The following QSOX1 variants were observed in gnomAD, a reference collection of about 807,000 sequenced individuals.
QSOX1 encodes the protein quiescin sulfhydryl oxidase 1.
A neutral mutation model predicts 76.1 loss-of-function variants in QSOX1; 40 were observed. The observed-to-expected ratio is 0.53, with a 90% CI of 0.41 to 0.68. The LOEUF (loss-of-function observed/expected upper bound fraction) is 0.68. Ranked by LOEUF, QSOX1 falls within the 30% of genes least tolerant of loss-of-function variation. The pLI is 0.00. For synonymous variants in QSOX1, 392 were observed against 413.1 expected, an observed-to-expected ratio of 0.95 and a Z score of 0.62; for missense variants, 931 against 974.3, an observed-to-expected ratio of 0.96 and a Z score of 0.59.
chr1:180,194,999 G>GGGGGC (rs1553275531), intron 11 of QSOX1, among the ~76,000 whole-genome samples: 1 of 150,318 alleles, frequency 6.7e-6, no homozygotes, highest in South Asian at 2.1e-4. Context: ...AGCCTCCCGG[G>GGGGGC]GGGGGGAGAC....
chr1:180,179,983 C>T (rs1243027220), intron 5 of QSOX1, among the ~76,000 whole-genome samples: 1 of 152,234 alleles, frequency 6.6e-6, no homozygotes, highest in Non-Finnish European at 1.5e-5. Flanking sequence ...CCACCACAGT[C>T]CTTGAGTACC....
intron 4 of QSOX1, among the ~76,000 whole-genome samples, chr1:180,176,972 T>C (rs1376868217): frequency 6.6e-6 from 1 of 152,230 alleles, no homozygotes; most frequent in Non-Finnish European, 1.5e-5. Context: ...ATGACTCCTT[T>C]GTCATCTTTC....
chr1:180,161,253 A>G (rs1210226802), intron 1 of QSOX1, among the ~76,000 whole-genome samples: 5 of 152,302 alleles, frequency 3.3e-5, no homozygotes, highest in African/African-American at 4.8e-5. Flanking sequence ...AATTATTTAC[A>G]TAAGTGTGGC....
In QSOX1 at chr1:180,197,416, A is replaced by G. The variant is rs1421880266; in HGVS notation, c.*379A>G. 6.2e-7 allele frequency: 1 copy of G among 1,605,332 alleles called. No homozygotes were observed. Among genetic ancestry groups the G allele is most frequent in the Non-Finnish European group, 8.5e-7 (1 of 1,173,438 alleles). The stretch of plus-strand genomic sequence containing the variant: ...GCCCTCAACTGGGGCAAGTGAAGCC[A>G]GAGGAGGGTCCCCCAGCTGGGTGGG... On this transcript the variant is annotated 3_prime_UTR_variant, in exon 12 of 12. Transcript: ENST00000367602.
rs1032274209 is a variant in QSOX1 at position 180,200,079 on chromosome 1, T to A, written c.*3042T>A. On this transcript the variant is annotated 3_prime_UTR_variant, in exon 12 of 12. Coordinates refer to ENST00000367602, the MANE Select transcript of QSOX1 (RefSeq NM_002826.5). ...AGAGCCCTCAAATCTGGGCCCTGGG[T>A]CAGGGTGGGGTCAAGTCCAGCCTTG... 3 of 152,012 alleles carry A rather than the reference T, an allele frequency of 2.0e-5. No individual in the cohort carries two copies. Among genetic ancestry groups the A allele is most frequent in the African/African-American group, 7.3e-5 (3 of 41,348 alleles). 9.4% of individuals were successfully genotyped at this position (152,012 alleles called of 1,614,324 possible).
chr1:180,193,075 G>A (rs546191764), intron 10 of QSOX1, among the ~76,000 whole-genome samples: 78 of 152,182 alleles, frequency 5.1e-4, no homozygotes, highest in Non-Finnish European at 6.6e-4. Flanking sequence ...TGTTGGATTC[G>A]GCTGAAGAGA....
At chr1:180,179,194 T>TCAAATA (rs1558188596) in intron 5 of QSOX1, among the ~76,000 whole-genome samples, 1 of 152,234 alleles carries the variant, frequency 6.6e-6, no homozygotes, top group Non-Finnish European at 1.5e-5. Flanking sequence ...TCAAATAGCA[T>TCAAATA]GCCCAAGATC....
intron 10 of QSOX1, among the ~76,000 whole-genome samples, chr1:180,192,436 G>A (rs1301265851): frequency 2.0e-5 from 3 of 152,250 alleles, no homozygotes; most frequent in Non-Finnish European, 4.4e-5. Flanking sequence ...GGCAGGGGGA[G>A]GCAGGGCAGC....
intron 1 of QSOX1, among the ~76,000 whole-genome samples, chr1:180,162,588 A>C (rs1173041146): frequency 6.6e-6 from 1 of 152,102 alleles, no homozygotes; most frequent in Non-Finnish European, 1.5e-5. Flanking sequence ...AATTTTAAAA[A>C]ATTAGCCAGG....
At chr1:180,190,692 G>A (rs1170529344) in intron 10 of QSOX1, 112 bp downstream of exon 10, 16 of 1,318,500 alleles carry the variant, frequency 1.2e-5, no homozygotes, top group Non-Finnish European at 1.6e-5. Context: ...GCTCCCAGCT[G>A]CCAGAAGATG....
rs758279980 is a variant in QSOX1 at position 180,186,023 on chromosome 1, T to TTC, written c.888-22_888-21dup. On this transcript the variant is annotated intron_variant, in intron 7 of 11. Coordinates refer to ENST00000367602, the MANE Select transcript of QSOX1 (RefSeq NM_002826.5). ...CCCCTGCACCATGGTTAATACTTCT[T>TTC]TCTCTCTCTATCTCCCTCTGGGTCC... 1.9e-5 allele frequency: 30 copies of TTC among 1,611,626 alleles called. No homozygotes were observed. In the Admixed American group the frequency reaches 3.7e-4, roughly 20 times the overall value.
chr1:180,195,304 A>G (rs1258154747), intron 11 of QSOX1, among the ~76,000 whole-genome samples: 3 of 151,936 alleles, frequency 2.0e-5, no homozygotes, highest in Non-Finnish European at 4.4e-5. Flanking sequence ...AAGAAACTCA[A>G]AATTACCAGG....
Position 180,177,884 on chromosome 1 carries a change from GTTT to G in QSOX1, c.516-908_516-906del, listed in dbSNP as rs1662938470. 5.1e-4 allele frequency among the ~76,000 whole-genome samples: 6 copies of G among 11,668 alleles called. No homozygotes were observed. In the South Asian group the frequency reaches 0.012, roughly 24 times the overall value. 7.7% of individuals were successfully genotyped at this position (11,668 alleles called of 152,430 possible). A position where few individuals can be genotyped will look rare whatever the true frequency, so the allele number is the denominator to read the frequency against. ...GTTTGTTTTGTTTTGTTTTGGATAT[GTTT>G]TGTTTTGTTTTGGAAACTGGGCCTC... On this transcript the variant is annotated intron_variant, in intron 4 of 11. Coordinates refer to ENST00000367602, the MANE Select transcript of QSOX1 (RefSeq NM_002826.5).
Position 180,197,840 on chromosome 1 carries a change from C to T in QSOX1, c.*803C>T. 3.8e-6 allele frequency: 1 copy of T among 263,464 alleles called. No homozygotes were observed. The highest frequency in any genetic ancestry group is 2.2e-5 in the African/African-American group (1 of 44,892). 16.3% of individuals were successfully genotyped at this position (263,464 alleles called of 1,614,324 possible). On this transcript the variant is annotated 3_prime_UTR_variant, in exon 12 of 12. Transcript: ENST00000367602. The stretch of plus-strand genomic sequence containing the variant: ...GTCTTTTGTCCTTTTTTATTTTGGT[C>T]TCCAAGATGAATGCTCATCTTTGGA...
chr1:180,166,676 G>T lies in QSOX1; in HGVS notation c.366+85G>T, dbSNP rs1662638926. 13 of 1,341,352 alleles carry T rather than the reference G, an allele frequency of 9.7e-6. No homozygotes were observed. In the East Asian group the frequency reaches 3.0e-4, roughly 31 times the overall value. The allele number at this position is 1,341,352 out of a possible 1,614,324, so 83.1% of individuals were successfully genotyped here. ...AAAGGGACCATGTGGGATGTGTCGG[G>T]ATGGGCAGATTTCAGCTGCTCTGAT... On this transcript the variant is annotated intron_variant, in intron 2 of 11. Transcript: ENST00000367602.
rs959714955 is a variant in QSOX1, at chr1:180,197,253, G to C, written c.*216G>C. 6.2e-6 allele frequency: 10 copies of C among 1,609,626 alleles called. No individual in the cohort carries two copies. In the African/African-American group the frequency reaches 1.1e-4, roughly 17 times the overall value. On this transcript the variant is annotated 3_prime_UTR_variant, in exon 12 of 12. Coordinates refer to ENST00000367602, the MANE Select transcript of QSOX1 (RefSeq NM_002826.5). ...GGAGCAGGGTCCAGGTTCCCCTGCTGTGCAGGGAGGGCAGCCCCGGGCAGT... is the reference window on the plus strand; with the variant it reads ...GGAGCAGGGTCCAGGTTCCCCTGCTCTGCAGGGAGGGCAGCCCCGGGCAGT...
chr1:180,182,212 G>A lies in QSOX1; in HGVS notation c.645G>A (p.Val215=), dbSNP rs77194889. The part of the protein sequence containing the change: ...LDLSQHKGVA[V]RRVLNTEANV... ...TGTCCCAGCACAAAGGCGTGGCGGT[G>A]CGCAGGGTGCTGAACACAGAGGCCA... Residue 215 remains valine, a synonymous_variant, in exon 6 of 12, where the codon GTG becomes GTA. Transcript: ENST00000367602. 14 of 1,614,234 alleles carry A rather than the reference G, an allele frequency of 8.7e-6. No individual in the cohort carries two copies. In the East Asian group the frequency reaches 2.9e-4, roughly 33 times the overall value.
rs544342613 is a variant in QSOX1 at position 180,198,822 on chromosome 1, C to T, written c.*1785C>T. On this transcript the variant is annotated 3_prime_UTR_variant, in exon 12 of 12. Transcript: ENST00000367602. Reference sequence around the variant, plus strand: ...CCCACAATCAGGAGGCAACCCTGGCCTGCAAGAGGAAGACAGAGGCTCCCA... The same window carrying T: ...CCCACAATCAGGAGGCAACCCTGGCTTGCAAGAGGAAGACAGAGGCTCCCA... 1 of 208,466 alleles carries T rather than the reference C, an allele frequency of 4.8e-6. No homozygotes were observed. Among genetic ancestry groups the T allele is most frequent in the Admixed American group, 5.2e-5 (1 of 19,198 alleles). The allele number at this position is 208,466 out of a possible 1,614,324, so 12.9% of individuals were successfully genotyped here. A position where few individuals can be genotyped will look rare whatever the true frequency, so the allele number is the denominator to read the frequency against.
chr1:180,190,699 G>A (rs1385143085), intron 10 of QSOX1, 119 bp downstream of exon 10: 3 of 1,281,518 alleles, frequency 2.3e-6, no homozygotes, highest in Non-Finnish European at 1.1e-6. Context: ...GCTGCCAGAA[G>A]ATGGGGAGAG....
Sources: allele counts gnomAD v4.1 joint callset (sites outside exome capture counted in the v4.1 genomes callset), GRCh38; gene constraint gnomAD v4.1.1; transcripts MANE v1.5; gene names NCBI Gene and HGNC (gene_info 2026-07-23, HGNC 2026-07-21).